Variants in MYO15A observed in about 807,000 individuals in gnomAD.
The protein encoded by MYO15A is myosin XVA.
A neutral mutation model predicts 394.6 loss-of-function variants in MYO15A; 308 were observed. The observed-to-expected ratio is 0.78, with a 90% confidence interval of 0.71 to 0.86. MYO15A has a LOEUF of 0.86. Ranked by LOEUF, MYO15A falls within the 40% of genes least tolerant of loss-of-function variation. MYO15A has a pLI of 0.00. For missense variants in MYO15A, 4,606 were observed against 4,799.1 expected (o/e 0.96, Z 1.19); for synonymous variants, 1,957 against 2,003.8 (o/e 0.98, Z 0.62).
At chr17:18,176,595 G>A (rs2047018287) in intron 65 of MYO15A, 2 of 142,864 alleles carry the variant, frequency 1.4e-5, no homozygotes, top group Non-Finnish European at 1.5e-5. Flanking sequence ...TGCCTAGGCT[G>A]GAGTAATCTC....
intron 7 of MYO15A, among the ~76,000 whole-genome samples, chr17:18,127,478 G>C (rs2046070362): frequency 6.6e-6 from 1 of 152,124 alleles, no homozygotes. Context: ...CTCCCACCTG[G>C]CCTCACCTTC....
At chr17:18,174,011 G>A in intron 65 of MYO15A, 90 bp downstream of exon 65, 1 of 1,512,654 alleles carries the variant, frequency 6.6e-7, no homozygotes, top group Non-Finnish European at 8.9e-7. Context: ...CATGCCCCAG[G>A]GAGTATCCAG....
At position 18,149,283 on chromosome 17, in the gene MYO15A, C is replaced by A. The variant is rs1368322873; in HGVS notation, c.7024C>A (p.Pro2342Thr). 1 of 1,613,836 alleles carries A rather than the reference C, an allele frequency of 6.2e-7. No homozygotes were observed. The highest frequency in any genetic ancestry group is 1.3e-5 in the African/African-American group (1 of 74,880). ...TAGACCCCAGCCCCAGGAGCACATG[C>A]CCAAAGTACTTGACTCTGATGGGTA... ...STRPQPQEHM[P>T]KVLDSDGYSS... Residue 2342 changes from proline to threonine, a missense_variant, in exon 34 of 66, where the codon CCC becomes ACC. Pro to Thr is a conservative substitution (Grantham distance 38). Transcript: ENST00000647165.
chr17:18,119,809 C>T lies in MYO15A; in HGVS notation c.1009C>T (p.His337Tyr). 6.2e-7 allele frequency: 1 copy of T among 1,613,196 alleles called. No homozygotes were observed. The highest frequency in any genetic ancestry group is 8.5e-7 in the Non-Finnish European group (1 of 1,180,000). The change falls in exon 2 of 66, where the codon CAC becomes TAC. Residue 337 changes from histidine to tyrosine, a missense_variant. His to Tyr is a moderately conservative substitution (Grantham distance 83). This residue lies in a region of MYO15A where 1,830 missense variants were observed against 1,689.7 expected (regional missense o/e 1.08). Coordinates refer to ENST00000647165, the MANE Select transcript of MYO15A (RefSeq NM_016239.4). ...CCACGATGGGTACGAGGGCGAGGCG[C>T]ACCCTTATGGCTACTACCTGGATCC... ...SYHDGYEGEA[H>Y]PYGYYLDPYA...
At chr17:18,172,425 C>T in intron 64 of MYO15A, 135 bp downstream of exon 64, 1 of 1,300,398 alleles carries the variant, frequency 7.7e-7, no homozygotes, top group Middle Eastern at 1.8e-4. Flanking sequence ...AGGCAAGTCT[C>T]TTCCCTCCTC....
In MYO15A at chr17:18,120,393, C is replaced by A. The variant is rs1488220634; in HGVS notation, c.1593C>A (p.Phe531Leu). 2 of 1,609,902 alleles carry A rather than the reference C, an allele frequency of 1.2e-6. No homozygotes were observed. Among genetic ancestry groups the A allele is most frequent in the Non-Finnish European group, 1.7e-6 (2 of 1,179,188 alleles). The change falls in exon 2 of 66, where the codon TTC becomes TTA. Residue 531 changes from phenylalanine to leucine, a missense_variant. By Grantham distance (22) the Phe-to-Leu change is conservative. This residue lies in a region of MYO15A where 1,830 missense variants were observed against 1,689.7 expected (regional missense o/e 1.08). Coordinates refer to ENST00000647165, the MANE Select transcript of MYO15A (RefSeq NM_016239.4). ...PVSAVPYGHP[F>L]WGFLTPRQRN... The stretch of plus-strand genomic sequence containing the variant: ...CCGCTGTGCCCTACGGCCACCCTTT[C>A]TGGGGCTTCCTCACGCCGCGCCAGC...
At chr17:18,126,225 G>A (rs959000836) in intron 4 of MYO15A, 122 bp from the exon 5 acceptor site, 7 of 832,010 alleles carry the variant, frequency 8.4e-6, no homozygotes, top group African/African-American at 1.7e-5. Context: ...TGGGAATCCC[G>A]AGTCCAGGCA....
At chr17:18,163,162 G>A (rs2046800783) in intron 58 of MYO15A, 82 bp from the exon 59 acceptor site, 2 of 1,453,086 alleles carry the variant, frequency 1.4e-6, no homozygotes, top group Non-Finnish European at 1.9e-6. Flanking sequence ...CCTTTGGCTT[G>A]GGAACTCCCA....
At chr17:18,176,672 A>G (rs565248370) in intron 65 of MYO15A, 1 of 148,308 alleles carries the variant, frequency 6.7e-6, no homozygotes, top group Non-Finnish European at 1.5e-5. Flanking sequence ...AAATACCGGG[A>G]TTACAGGCAT....
chr17:18,176,002 C>CA (rs1279515471), intron 65 of MYO15A, among the ~76,000 whole-genome samples: 1 of 152,328 alleles, frequency 6.6e-6, no homozygotes. Flanking sequence ...TCACAGGGCC[C>CA]ATTCTCTCCC....
intron 5 of MYO15A, 56 bp from the exon 6 acceptor site, chr17:18,126,735 C>G: frequency 6.4e-7 from 1 of 1,574,200 alleles, no homozygotes; most frequent in African/African-American, 1.3e-5. Flanking sequence ...TGCCCAATCC[C>G]TGGGAGGTGT....
chr17:18,153,647 G>C lies in MYO15A; in HGVS notation c.7967-128G>C. ...CAGGAGGCGGAGCTTGCAGTGGGCC[G>C]AGATTGCGCCACTGCACTCTAGCCT... On this transcript the variant is annotated intron_variant, in intron 42 of 65. Coordinates refer to ENST00000647165, the MANE Select transcript of MYO15A (RefSeq NM_016239.4). The surrounding 1 kb of genome is among the most constrained non-coding windows in gnomAD (Gnocchi z 4.1). The C allele has an allele frequency of 1.0e-6, 1 of 976,434 alleles. No homozygotes were observed. Among genetic ancestry groups the C allele is most frequent in the Non-Finnish European group, 1.3e-6 (1 of 754,094 alleles). The allele number at this position is 976,434 out of a possible 1,614,324, so 60.5% of individuals were successfully genotyped here. A position where few individuals can be genotyped will look rare whatever the true frequency, so the allele number is the denominator to read the frequency against.
chr17:18,144,347 C>A, intron 28 of MYO15A, 150 bp from the exon 29 acceptor site: 1 of 644,136 alleles, frequency 1.6e-6, no homozygotes, highest in Non-Finnish European at 2.5e-6. Context: ...ACTGTGGTGG[C>A]CCCTCACCAG....
At position 18,133,341 on chromosome 17, in the gene MYO15A, G is replaced by A. The variant is rs1434574169; in HGVS notation, c.4437G>A (p.Leu1479=). The change falls in exon 12 of 66, where the codon CTG becomes CTA. Residue 1479 remains leucine, a synonymous_variant. Coordinates refer to ENST00000647165, the MANE Select transcript of MYO15A (RefSeq NM_016239.4). ...ACCAGGACAGCATCTTCCGCATCCT[G>A]GCCTCCATCCTGCACCTGGGCAACG... ...SEDQDSIFRI[L]ASILHLGNVY... The A allele has an allele frequency of 6.2e-7, 1 of 1,614,162 alleles. No individual in the cohort carries two copies. Among genetic ancestry groups the A allele is most frequent in the Non-Finnish European group, 8.5e-7 (1 of 1,180,022 alleles).
Position 18,122,225 on chromosome 17 carries a change from T to A in MYO15A, c.3425T>A (p.Ile1142Asn). The A allele has an allele frequency of 6.2e-7, 1 of 1,613,158 alleles. No individual in the cohort carries two copies. Among genetic ancestry groups the A allele is most frequent in the South Asian group, 1.1e-5 (1 of 91,088 alleles). Residue 1142 changes from isoleucine to asparagine, a missense_variant, in exon 2 of 66, where the codon ATT becomes AAT. This residue lies in a region of MYO15A where 1,830 missense variants were observed against 1,689.7 expected (regional missense o/e 1.08). Transcript: ENST00000647165. ...ACCCTGAAGCCTCAAGTCCAGCCCATTCAGGACCCCAAGCCAAGAGCCTGT... is the reference window on the plus strand; with the variant it reads ...ACCCTGAAGCCTCAAGTCCAGCCCAATCAGGACCCCAAGCCAAGAGCCTGT... ...PATLKPQVQP[I>N]QDPKPRACSL... is the part of the protein sequence containing the mutation.
At position 18,132,685 on chromosome 17, in the gene MYO15A, G is replaced by T; in HGVS notation, c.4320+119G>T. 1.2e-6 allele frequency: 1 copy of T among 830,570 alleles called. No homozygotes were observed. Among genetic ancestry groups the T allele is most frequent in the Non-Finnish European group, 2.0e-6 (1 of 501,694 alleles). 51.5% of individuals were successfully genotyped at this position (830,570 alleles called of 1,614,324 possible). A position where few individuals can be genotyped will look rare whatever the true frequency, so the allele number is the denominator to read the frequency against. The stretch of plus-strand genomic sequence containing the variant: ...AGTGTGAAGGTGAAGGAGATTTGGG[G>T]AGGGTGAGTTTGGATTTAAGACATC... On this transcript the variant is annotated intron_variant, in intron 11 of 65. Coordinates refer to ENST00000647165, the MANE Select transcript of MYO15A (RefSeq NM_016239.4). This position sits in a 1 kb window ranked among gnomAD's most constrained non-coding sequence, Gnocchi z 4.6.
In MYO15A at chr17:18,154,157, C is replaced by T. The variant is rs1160269595; in HGVS notation, c.8115C>T (p.Ser2705=). 1.1e-5 allele frequency: 18 copies of T among 1,613,950 alleles called. No individual in the cohort carries two copies. Among genetic ancestry groups the T allele is most frequent in the Non-Finnish European group, 1.5e-5 (18 of 1,180,042 alleles). Residue 2705 remains serine (S), a synonymous_variant, in exon 44 of 66, where the codon AGC becomes AGT. Transcript: ENST00000647165. ...TGTTTTACCCCAAGGACAGCTACAG[C>T]CATCCTGTGCAGCTTGACCTCCTGT... ...KEVFYPKDSY[S]HPVQLDLLFR...
At chr17:18,142,878 A>G (rs2046407455) in intron 25 of MYO15A, 38 bp downstream of exon 25, 4 of 1,573,144 alleles carry the variant, frequency 2.5e-6, no homozygotes, top group Non-Finnish European at 3.5e-6. Context: ...AGGGGACAGC[A>G]GAGAAGGGGA....
Position 18,142,827 on chromosome 17 carries a change from G to A in MYO15A, c.5897G>A (p.Arg1966Gln), listed in dbSNP as rs750588350. 14 of 1,612,280 alleles carry A rather than the reference G, an allele frequency of 8.7e-6. No individual in the cohort carries two copies. The highest frequency in any genetic ancestry group is 4.5e-5 in the East Asian group (2 of 44,846). ...RSLVHAYVSR[R>Q]RYLKLRAEWR... ...CTGGTACACGCATACGTGAGCCGCC[G>A]ACGCTATCTCAAGGTATAGGCCCTA... Residue 1966 changes from arginine to glutamine, a missense_variant, in exon 25 of 66, where the codon CGA (arginine) becomes CAA (glutamine). Coordinates refer to ENST00000647165, the MANE Select transcript of MYO15A (RefSeq NM_016239.4).
Sources: allele counts gnomAD v4.1 joint callset (sites outside exome capture counted in the v4.1 genomes callset), GRCh38; gene constraint gnomAD v4.1.1; regional missense constraint gnomAD v4.1.1; non-coding constraint Gnocchi (gnomAD v3.1); transcripts MANE v1.5; gene names NCBI Gene and HGNC (gene_info 2026-07-23, HGNC 2026-07-21).